Variants in RERE observed in about 807,000 individuals in gnomAD.
The protein encoded by RERE is arginine-glutamic acid dipeptide repeats.
RERE carries 40 observed loss-of-function variants against 146.1 expected under a neutral mutation model. The ratio of observed to expected loss-of-function variants is 0.27; its 90% confidence interval spans 0.21 to 0.36. RERE has a LOEUF of 0.36. RERE is among the 10% of genes least tolerant of loss of function. The pLI is 1.00. For missense variants in RERE, 1,933 were observed against 2,138.7 expected, an observed-to-expected ratio of 0.90 and a Z score of 1.90; for synonymous variants, 1,003 against 866.0, an observed-to-expected ratio of 1.16 and a Z score of -2.78.
chr1:8,663,493 A>C (rs1315656633), intron 1 of RERE, among the ~76,000 whole-genome samples: 1 of 152,126 alleles, frequency 6.6e-6, no homozygotes, highest in East Asian at 1.9e-4. Context: ...TAGCTTACCT[A>C]CTTCAAGCCA....
At position 8,541,331 on chromosome 1, in the gene RERE, G is replaced by A. The variant is rs1227917306; in HGVS notation, c.726-13C>T. On this transcript the variant is annotated splice_polypyrimidine_tract_variant and intron_variant, in intron 6 of 22. Transcript: ENST00000400908. ...GTTACACTTCCCTCTGGGAAAAAGA[G>A]AAAAAAATAATTAGTAATACCCTCA... is the stretch of plus-strand genomic sequence containing the variant. 6.5e-7 allele frequency: 1 copy of A among 1,543,794 alleles called. No homozygotes were observed. The highest frequency in any genetic ancestry group is 2.3e-5 in the East Asian group (1 of 44,432).
chr1:8,757,635 T>C (rs1557524173), intron 1 of RERE, among the ~76,000 whole-genome samples: 1 of 150,724 alleles, frequency 6.6e-6, no homozygotes, highest in Non-Finnish European at 1.5e-5. Flanking sequence ...TTAAGAGAGC[T>C]GGTAGAAACT....
intron 6 of RERE, among the ~76,000 whole-genome samples, chr1:8,555,924 T>G (rs1646001756): frequency 6.6e-6 from 1 of 152,200 alleles, no homozygotes; most frequent in African/African-American, 2.4e-5. Context: ...GTAGGAAATT[T>G]TTCAGACATA....
intron 12 of RERE, among the ~76,000 whole-genome samples, chr1:8,409,577 C>G (rs765732892): frequency 1.2e-4 from 19 of 152,164 alleles, no homozygotes; most frequent in Non-Finnish European, 1.9e-4. Context: ...GTGAACAGCT[C>G]ATTTCCAGAA....
intron 1 of RERE, among the ~76,000 whole-genome samples, chr1:8,783,310 G>C (rs1188230130): frequency 6.6e-6 from 1 of 152,134 alleles, no homozygotes; most frequent in Non-Finnish European, 1.5e-5. Context: ...ACTGCAGCCT[G>C]GGCAACAGAG....
At chr1:8,716,467 C>A (rs777931820) in intron 1 of RERE, among the ~76,000 whole-genome samples, 1 of 152,000 alleles carries the variant, frequency 6.6e-6, no homozygotes, top group Non-Finnish European at 1.5e-5. Flanking sequence ...AAGACTCTGT[C>A]TCAAAAAATA....
At chr1:8,562,678 CTA>C (rs759447598) in intron 4 of RERE, among the ~76,000 whole-genome samples, 6 of 152,026 alleles carry the variant, frequency 3.9e-5, no homozygotes, top group Non-Finnish European at 7.4e-5. Context: ...GGACATCTTG[CTA>C]TGTTTTAAGC....
intron 4 of RERE, among the ~76,000 whole-genome samples, chr1:8,607,530 A>ATG (rs1646732034): frequency 1.7e-5 from 1 of 57,598 alleles, no homozygotes; most frequent in African/African-American, 6.8e-5. Flanking sequence ...TTTTATATAT[A>ATG]TTTCTTTTTT....
chr1:8,486,678 A>G (rs1490697965), intron 10 of RERE, among the ~76,000 whole-genome samples: 1 of 151,578 alleles, frequency 6.6e-6, no homozygotes, highest in Non-Finnish European at 1.5e-5. Flanking sequence ...AACTCTAAAG[A>G]GATCAATAAT....
intron 7 of RERE, among the ~76,000 whole-genome samples, chr1:8,540,505 T>C (rs1645787359): frequency 6.6e-6 from 1 of 152,194 alleles, no homozygotes. Context: ...TAACATCCTG[T>C]TTTTAAAATC....
intron 4 of RERE, among the ~76,000 whole-genome samples, chr1:8,583,437 C>T (rs1646391562): frequency 6.6e-6 from 1 of 152,104 alleles, no homozygotes; most frequent in Non-Finnish European, 1.5e-5. Flanking sequence ...TCAGGAGGAC[C>T]GTAAAATAGC....
chr1:8,729,372 G>A (rs901653122), intron 1 of RERE, among the ~76,000 whole-genome samples: 12 of 150,434 alleles, frequency 8.0e-5, no homozygotes, highest in African/African-American at 2.4e-4. Flanking sequence ...CTACAGGCAC[G>A]TGCCACCATG....
Position 8,556,546 on chromosome 1 carries a change from T to G in RERE, c.654A>C (p.Thr218=), listed in dbSNP as rs1407146958. 1.2e-6 allele frequency: 2 copies of G among 1,608,482 alleles called. No homozygotes were observed. Among genetic ancestry groups the G allele is most frequent in the Admixed American group, 1.7e-5 (1 of 60,016 alleles). Residue 218 remains threonine, a synonymous_variant, in exon 6 of 23, where the codon ACA becomes ACC. Transcript: ENST00000400908. ...GCTCTCGGTTCTTGATAACTGGGTC[T>G]GTAATGACAAGTTCTCTTCCAGAGT... is the stretch of plus-strand genomic sequence containing the variant. ...ENDSGRELVI[T]DPVIKNRELF... is the part of the protein sequence containing the mutation.
chr1:8,469,226 T>C (rs946200914), intron 10 of RERE, among the ~76,000 whole-genome samples: 5 of 152,210 alleles, frequency 3.3e-5, no homozygotes, highest in African/African-American at 9.6e-5. Context: ...AAAATTTTGT[T>C]AAGCTATAAA....
At chr1:8,741,082 A>G (rs1036219877) in intron 1 of RERE, among the ~76,000 whole-genome samples, 1 of 152,212 alleles carries the variant, frequency 6.6e-6, no homozygotes, top group Admixed American at 6.5e-5. Context: ...ACACATGAGT[A>G]ATATACTGGG....
chr1:8,697,607 T>C (rs1178003801), intron 1 of RERE, among the ~76,000 whole-genome samples: 1 of 152,210 alleles, frequency 6.6e-6, no homozygotes, highest in Non-Finnish European at 1.5e-5. Flanking sequence ...GCCAGGACGG[T>C]CTCGATCTCC....
rs142797890 is a variant in RERE at position 8,409,418 on chromosome 1, G to A, written c.1284+13309C>T. Among the ~76,000 whole-genome samples, 18 of 152,288 alleles carry A rather than the reference G, an allele frequency of 1.2e-4. 1 individual carries two copies. Among genetic ancestry groups the A allele is most frequent in the Admixed American group, 4.6e-4 (7 of 15,286 alleles). On this transcript the variant is annotated intron_variant, in intron 12 of 22. Coordinates refer to ENST00000400908, the MANE Select transcript of RERE (RefSeq NM_001042681.2). ...AAGGAGAACTGTCCACACTTCTGTC[G>A]GGACACAGTTCCTGTGAGCAGCACT...
intron 10 of RERE, among the ~76,000 whole-genome samples, chr1:8,487,046 A>T (rs937819175): frequency 4.6e-5 from 7 of 152,192 alleles, no homozygotes; most frequent in Non-Finnish European, 8.8e-5. Context: ...TTCCTTAACA[A>T]ATTATTAGCA....
chr1:8,789,301 A>AAAAAAATAT, intron 1 of RERE, among the ~76,000 whole-genome samples: 1 of 24,826 alleles, frequency 4.0e-5, no homozygotes, highest in African/African-American at 2.3e-4. Context: ...AAAAAAAAAA[A>AAAAAAATAT]ATATATATAT....
Sources: gnomAD v4.1 joint callset for allele counts (sites outside exome capture counted in the v4.1 genomes callset) on GRCh38, gnomAD v4.1.1 for gene constraint, MANE v1.5 for transcripts, NCBI Gene and HGNC (gene_info 2026-07-23, HGNC 2026-07-21) for gene names.